Variants in WDHD1 observed in about 807,000 individuals in gnomAD.
The protein encoded by WDHD1 is WD repeat and HMG-box DNA-binding protein 1.
WDHD1 carries 111 observed loss-of-function variants against 135.4 expected under a neutral mutation model. That is an observed-to-expected ratio of 0.82 (90% CI 0.70 to 0.96). The LOEUF (loss-of-function observed/expected upper bound fraction) is 0.96, where lower values mean the gene tolerates loss of function less well. WDHD1 is among the 40% of genes least tolerant of loss of function. WDHD1 has a pLI of 0.00. For synonymous variants in WDHD1, 434 were observed against 439.0 expected (o/e 0.99, Z 0.14); for missense variants, 1,351 against 1,336.3 (o/e 1.01, Z -0.17).
chr14:54,961,005 T>C (rs2041243135), intron 21 of WDHD1, among the ~76,000 whole-genome samples: 1 of 152,146 alleles, frequency 6.6e-6, no homozygotes. Flanking sequence ...TAGGGTTTCA[T>C]TGTTTCCAAG....
At chr14:55,026,023 C>T (rs1454967082) in intron 2 of WDHD1, among the ~76,000 whole-genome samples, 1 of 152,210 alleles carries the variant, frequency 6.6e-6, no homozygotes, top group Non-Finnish European at 1.5e-5. Flanking sequence ...TTTCTAAATA[C>T]ACATTTATTT....
At chr14:54,990,667 A>G (rs539607509) in intron 12 of WDHD1, among the ~76,000 whole-genome samples, 2 of 152,314 alleles carry the variant, frequency 1.3e-5, no homozygotes, top group East Asian at 1.9e-4. Context: ...CATGAAATAT[A>G]TATTTAATGT....
At chr14:54,947,726 G>C (rs1235418466) in intron 24 of WDHD1, among the ~76,000 whole-genome samples, 1 of 151,724 alleles carries the variant, frequency 6.6e-6, no homozygotes, top group Non-Finnish European at 1.5e-5. Context: ...CAAGTAGCTG[G>C]GATTACAGGC....
chr14:54,992,046 G>C (rs1287926757), intron 11 of WDHD1, among the ~76,000 whole-genome samples: 1 of 152,128 alleles, frequency 6.6e-6, no homozygotes, highest in Non-Finnish European at 1.5e-5. Flanking sequence ...TTAAGGTCGG[G>C]AGTTCCACGT....
intron 16 of WDHD1, among the ~76,000 whole-genome samples, chr14:54,972,188 TG>T (rs1028343417): frequency 4.7e-5 from 7 of 147,776 alleles, no homozygotes; most frequent in South Asian, 4.3e-4. Context: ...GGCAGGAGAA[TG>T]GGGTGAACCC....
At chr14:54,975,188 G>C (rs1320373171) in intron 16 of WDHD1, among the ~76,000 whole-genome samples, 4 of 152,136 alleles carry the variant, frequency 2.6e-5, no homozygotes, top group African/African-American at 9.7e-5. Flanking sequence ...TTGGTAGAGA[G>C]CAAATTAGAC....
At chr14:55,020,096 T>C (rs1304801019) in intron 2 of WDHD1, among the ~76,000 whole-genome samples, 2 of 152,196 alleles carry the variant, frequency 1.3e-5, no homozygotes, top group African/African-American at 4.8e-5. Flanking sequence ...AAAATCTCTA[T>C]ATACTCAGCT....
intron 16 of WDHD1, among the ~76,000 whole-genome samples, chr14:54,973,790 C>T (rs965221267): frequency 6.6e-6 from 1 of 152,132 alleles, no homozygotes; most frequent in Non-Finnish European, 1.5e-5. Flanking sequence ...CATTTTACAG[C>T]TCACTTTATT....
At chr14:55,023,456 C>T (rs568884496) in intron 2 of WDHD1, among the ~76,000 whole-genome samples, 2 of 152,344 alleles carry the variant, frequency 1.3e-5, no homozygotes, top group East Asian at 1.9e-4. Context: ...GCAACCGCAA[C>T]TGCAGACCTC....
intron 25 of WDHD1, among the ~76,000 whole-genome samples, chr14:54,942,106 C>T (rs2040848376): frequency 6.6e-6 from 1 of 151,872 alleles, no homozygotes; most frequent in South Asian, 2.1e-4. Context: ...AAAAAATTAG[C>T]CGGGCATGGT....
chr14:54,965,947 A>T (rs2041333348), intron 18 of WDHD1, among the ~76,000 whole-genome samples: 1 of 148,546 alleles, frequency 6.7e-6, no homozygotes, highest in Admixed American at 6.7e-5. Flanking sequence ...CAAGAGCGAA[A>T]CTCCGCCTAA....
At chr14:55,023,194 T>A (rs1400981086) in intron 2 of WDHD1, among the ~76,000 whole-genome samples, 1 of 152,232 alleles carries the variant, frequency 6.6e-6, no homozygotes, top group Non-Finnish European at 1.5e-5. Flanking sequence ...CAGCTTTAGA[T>A]CCTTCACCTA....
intron 18 of WDHD1, among the ~76,000 whole-genome samples, chr14:54,964,459 T>C (rs1355668559): frequency 6.6e-6 from 1 of 151,932 alleles, no homozygotes; most frequent in Non-Finnish European, 1.5e-5. Flanking sequence ...GCTAACACGG[T>C]GAAACACAGT....
chr14:54,993,293 G>GT (rs1595101850), intron 11 of WDHD1, among the ~76,000 whole-genome samples: 1 of 151,984 alleles, frequency 6.6e-6, no homozygotes, highest in Non-Finnish European at 1.5e-5. Context: ...AATTTTTAAA[G>GT]TTTTTTTGTA....
At chr14:55,009,722 A>C (rs1009765382) in intron 4 of WDHD1, among the ~76,000 whole-genome samples, 5 of 151,968 alleles carry the variant, frequency 3.3e-5, no homozygotes, top group Admixed American at 2.6e-4. Context: ...ATGAGCCACG[A>C]CGCCAGCCCT....
rs2041173243 is a variant in WDHD1 at position 54,957,138 on chromosome 14, T to C, written c.2812A>G (p.Asn938Asp). Residue 938 changes from asparagine (N) to aspartate (D), a missense_variant, in exon 23 of 26, where the codon AAT becomes GAT. Asn to Asp is a conservative substitution (Grantham distance 23, BLOSUM62 1). Transcript: ENST00000360586. ...NSARSTNILD[N>D]MGKSSKKSTA... ...GATTTCTTGGATGATTTGCCCATAT[T>C]GTCTAAAATATTAGTTGAACGTGCT... 2 of 1,614,194 alleles carry C rather than the reference T, an allele frequency of 1.2e-6. No homozygotes were observed. The highest frequency in any genetic ancestry group is 1.3e-5 in the African/African-American group (1 of 75,054).
At chr14:54,986,969 A>G (rs1284431184) in intron 14 of WDHD1, among the ~76,000 whole-genome samples, 177 bp downstream of exon 14, 2 of 152,232 alleles carry the variant, frequency 1.3e-5, no homozygotes, top group African/African-American at 2.4e-5. Flanking sequence ...TAGTTCTATT[A>G]AGAAACATTT....
chr14:55,002,235 T>C lies in WDHD1; in HGVS notation c.601-50A>G, dbSNP rs370979449. On this transcript the variant is annotated intron_variant, in intron 7 of 25. Coordinates refer to ENST00000360586, the MANE Select transcript of WDHD1 (RefSeq NM_007086.4). ...AACAAAAGTTTACATTAAATTGAAT[T>C]TGAAGAAGGAAAAAGGCACAAAATT... 706 of 1,336,406 alleles carry C rather than the reference T, an allele frequency of 5.3e-4. No individual in the cohort carries two copies. Among genetic ancestry groups the C allele is most frequent in the Non-Finnish European group, 6.2e-4 (594 of 961,882 alleles). 82.8% of individuals were successfully genotyped at this position (1,336,406 alleles called of 1,614,324 possible). A position where few individuals can be genotyped will look rare whatever the true frequency, so the allele number is the denominator to read the frequency against.
chr14:55,015,761 C>T (rs1025418240), intron 2 of WDHD1, among the ~76,000 whole-genome samples: 2 of 150,696 alleles, frequency 1.3e-5, no homozygotes, highest in Non-Finnish European at 2.9e-5. Context: ...TGCAGTGGTG[C>T]TATCACAGCT....
Sources: allele counts gnomAD v4.1 joint callset (sites outside exome capture counted in the v4.1 genomes callset), GRCh38; gene constraint gnomAD v4.1.1; transcripts MANE v1.5; gene names NCBI Gene and HGNC (gene_info 2026-07-23, HGNC 2026-07-21).